Variants in AGMO observed in about 807,000 individuals in gnomAD.
The protein encoded by AGMO is alkylglycerol monooxygenase.
Under a neutral mutation model 60.2 loss-of-function variants are expected in AGMO, and 75 were observed. The ratio of observed to expected loss-of-function variants is 1.25; its 90% CI spans 1.03 to 1.51. AGMO has a LOEUF of 1.51. Among genes scored for constraint, AGMO ranks in the 40% most tolerant of loss-of-function variants. The pLI is 0.00. For missense variants in AGMO, 763 were observed against 525.5 expected (o/e 1.45, Z -4.42); for synonymous variants, 261 against 177.1 (o/e 1.47, Z -3.76).
chr7:15,144,334 C>T, the AGMO span, among the ~76,000 whole-genome samples: 8,699 of 152,172 alleles, frequency 0.057, 338 homozygotes, highest in African/African-American at 0.11. Context: ...TTATACAGAA[C>T]AATGATGTTT....
At chr7:15,117,660 C>T in the AGMO span, among the ~76,000 whole-genome samples, 1 of 151,964 alleles carries the variant, frequency 6.6e-6, no homozygotes, top group South Asian at 2.1e-4. Context: ...ACATGTACTC[C>T]TTGAACGTGA....
chr7:15,297,053 GTCTC>G (rs926120957), intron 12 of AGMO, among the ~76,000 whole-genome samples: 6 of 144,954 alleles, frequency 4.1e-5, no homozygotes, highest in South Asian at 2.2e-4. Flanking sequence ...ATCTCTCTCT[GTCTC>G]TCTCTCTCTC....
chr7:15,444,820 C>G (rs762975028), intron 3 of AGMO, among the ~76,000 whole-genome samples: 1 of 152,146 alleles, frequency 6.6e-6, no homozygotes, highest in Non-Finnish European at 1.5e-5. Context: ...GAACTCTAGA[C>G]CTGATTTCCT....
chr7:15,328,240 G>C (rs1185853717), intron 12 of AGMO, among the ~76,000 whole-genome samples: 1 of 152,078 alleles, frequency 6.6e-6, no homozygotes. Flanking sequence ...TGGGATTGCA[G>C]GTGTGTGCCA....
the AGMO span, among the ~76,000 whole-genome samples, chr7:15,138,918 T>C: frequency 6.6e-6 from 1 of 152,212 alleles, no homozygotes; most frequent in Non-Finnish European, 1.5e-5. Context: ...ACATTATGTG[T>C]ATTTATATAC....
At chr7:15,480,667 C>G (rs1648031001) in intron 3 of AGMO, among the ~76,000 whole-genome samples, 2 of 152,260 alleles carry the variant, frequency 1.3e-5, no homozygotes, top group Admixed American at 6.5e-5. Flanking sequence ...TTGGATGAAA[C>G]TTACCTTTAT....
intron 12 of AGMO, among the ~76,000 whole-genome samples, chr7:15,319,125 ATTGT>A (rs1193368052): frequency 2.0e-5 from 3 of 151,964 alleles, no homozygotes; most frequent in African/African-American, 7.2e-5. Flanking sequence ...CAAGAAGTTG[ATTGT>A]TAATGCCTCA....
intron 3 of AGMO, among the ~76,000 whole-genome samples, chr7:15,481,376 A>T (rs1782744605): frequency 6.6e-6 from 1 of 152,164 alleles, no homozygotes; most frequent in African/African-American, 2.4e-5. Flanking sequence ...ATCTCTGCCA[A>T]AACCATTAAA....
intron 3 of AGMO, among the ~76,000 whole-genome samples, chr7:15,517,606 G>C (rs1254197144): frequency 3.3e-5 from 5 of 151,884 alleles, no homozygotes; most frequent in Admixed American, 6.6e-5. Flanking sequence ...GTGAGGGACT[G>C]TGCCTTGAGA....
At chr7:15,492,607 T>TTA (rs1783096974) in intron 3 of AGMO, among the ~76,000 whole-genome samples, 2 of 149,634 alleles carry the variant, frequency 1.3e-5, no homozygotes, top group South Asian at 4.2e-4. Flanking sequence ...TGAGGAGGTT[T>TTA]TTATTATTAT....
chr7:15,462,228 A>C (rs908095498), intron 3 of AGMO, among the ~76,000 whole-genome samples: 2 of 152,150 alleles, frequency 1.3e-5, no homozygotes, highest in African/African-American at 4.8e-5. Flanking sequence ...TATGCATCAC[A>C]CACTATTTTA....
At chr7:15,378,511 T>A (rs1408123496) in intron 10 of AGMO, among the ~76,000 whole-genome samples, 87 of 152,042 alleles carry the variant, frequency 5.7e-4, no homozygotes, top group Non-Finnish European at 4.4e-5. Flanking sequence ...CCTAAATATG[T>A]ATGCACCCAA....
At chr7:15,222,438 T>C (rs375032413) in intron 12 of AGMO, among the ~76,000 whole-genome samples, 2 of 152,042 alleles carry the variant, frequency 1.3e-5, no homozygotes, top group East Asian at 3.9e-4. Context: ...GCTAGAGCGA[T>C]TGAGATTTCG....
intron 12 of AGMO, among the ~76,000 whole-genome samples, chr7:15,323,659 G>A (rs62450328): frequency 0.024 from 3,657 of 152,206 alleles, 70 homozygotes; most frequent in Middle Eastern, 0.044. Flanking sequence ...GCTGTCTCCC[G>A]AGCTTGCAGT....
At chr7:15,233,720 C>T (rs1312105225) in intron 12 of AGMO, among the ~76,000 whole-genome samples, 1 of 152,122 alleles carries the variant, frequency 6.6e-6, no homozygotes, top group Admixed American at 6.5e-5. Context: ...GGGCACATCA[C>T]AAATGATTCT....
At chr7:15,267,779 A>G (rs1369379837) in intron 12 of AGMO, among the ~76,000 whole-genome samples, 2 of 151,992 alleles carry the variant, frequency 1.3e-5, no homozygotes, top group Non-Finnish European at 2.9e-5. Flanking sequence ...ACTTGTAACA[A>G]AATGGAAAGT....
intron 12 of AGMO, among the ~76,000 whole-genome samples, chr7:15,210,529 T>A (rs559638167): frequency 1.3e-5 from 2 of 152,220 alleles, no homozygotes; most frequent in African/African-American, 4.8e-5. Context: ...CAGAGTATTT[T>A]AAAAAATGAT....
intron 5 of AGMO, among the ~76,000 whole-genome samples, chr7:15,405,254 A>G (rs979113017): frequency 9.2e-5 from 14 of 152,004 alleles, no homozygotes; most frequent in African/African-American, 2.6e-4. Context: ...TCTACTTAAC[A>G]CAATCAGTGC....
chr7:15,222,669 T>TA (rs1363891544), intron 12 of AGMO, among the ~76,000 whole-genome samples: 1 of 152,058 alleles, frequency 6.6e-6, no homozygotes, highest in Admixed American at 6.6e-5. Flanking sequence ...TTTTCAAACT[T>TA]ACAGAAAAAT....
Sources: gnomAD v4.1 joint callset for allele counts (sites outside exome capture counted in the v4.1 genomes callset) on GRCh38, gnomAD v4.1.1 for gene constraint, MANE v1.5 for transcripts, NCBI Gene and HGNC (gene_info 2026-07-23, HGNC 2026-07-21) for gene names.